Variants in MYRIP observed in about 807,000 individuals in gnomAD.
The protein encoded by MYRIP is myosin VIIA and Rab interacting protein.
In MYRIP, 49 loss-of-function variants were observed where a neutral mutation model predicts 98.0. The ratio of observed to expected loss-of-function variants is 0.50; its 90% CI spans 0.40 to 0.63. The LOEUF is 0.63. Ranked by LOEUF, MYRIP falls within the 30% of genes least tolerant of loss-of-function variation. The pLI is 0.00. For missense variants in MYRIP, 1,004 were observed against 1,058.2 expected, an observed-to-expected ratio of 0.95 and a Z score of 0.71; for synonymous variants, 404 against 409.5, an observed-to-expected ratio of 0.99 and a Z score of 0.16.
chr3:39,996,203 G>A (rs980551552), intron 2 of MYRIP, among the ~76,000 whole-genome samples: 9 of 152,250 alleles, frequency 5.9e-5, no homozygotes, highest in Middle Eastern at 6.8e-3. Flanking sequence ...AAATGTAAAT[G>A]GACTAAATCC....
chr3:39,812,438 CCCACCA>C (rs1397876260), intron 1 of MYRIP, among the ~76,000 whole-genome samples: 2 of 152,122 alleles, frequency 1.3e-5, no homozygotes, highest in African/African-American at 4.8e-5. Context: ...ACTTGGTTGT[CCCACCA>C]CACCTTGATC....
At chr3:40,206,762 G>A (rs1205899208) in intron 10 of MYRIP, among the ~76,000 whole-genome samples, 1 of 152,148 alleles carries the variant, frequency 6.6e-6, no homozygotes, top group African/African-American at 2.4e-5. Flanking sequence ...CACATAGTAG[G>A]TGCTCAACAT....
intron 2 of MYRIP, among the ~76,000 whole-genome samples, chr3:39,966,820 C>T (rs1945454301): frequency 6.6e-6 from 1 of 152,184 alleles, no homozygotes; most frequent in Non-Finnish European, 1.5e-5. Context: ...CTCTAGTCAC[C>T]TGCCAGGGTT....
chr3:40,020,938 G>A (rs1430034678), intron 2 of MYRIP, among the ~76,000 whole-genome samples: 2 of 152,034 alleles, frequency 1.3e-5, no homozygotes, highest in Non-Finnish European at 2.9e-5. Flanking sequence ...AATATGGGGT[G>A]TAGCCATGTA....
At chr3:40,208,737 GT>G in intron 10 of MYRIP, among the ~76,000 whole-genome samples, 1 of 152,310 alleles carries the variant, frequency 6.6e-6, no homozygotes, top group Non-Finnish European at 1.5e-5. Context: ...CCGCAGGGAA[GT>G]TTTCCCTAAT....
At chr3:39,848,052 C>T (rs1942022567) in intron 1 of MYRIP, among the ~76,000 whole-genome samples, 1 of 152,184 alleles carries the variant, frequency 6.6e-6, no homozygotes. Context: ...CTTCCTCCAA[C>T]ATGCTGGTGG....
At chr3:39,871,899 T>C (rs1016454222) in intron 1 of MYRIP, among the ~76,000 whole-genome samples, 2 of 152,008 alleles carry the variant, frequency 1.3e-5, no homozygotes, top group Admixed American at 1.3e-4. Context: ...TATATGTGTA[T>C]GCTATAATAT....
chr3:39,955,228 G>C (rs1309112802), intron 2 of MYRIP, among the ~76,000 whole-genome samples: 5 of 152,254 alleles, frequency 3.3e-5, no homozygotes, highest in Admixed American at 6.5e-5. Context: ...ATAATTGTCA[G>C]ATTCACCAAA....
In MYRIP at chr3:39,826,690, G is replaced by C. The variant is rs970847959; in HGVS notation, c.-31+16774G>C. Among the ~76,000 whole-genome samples the C allele has an allele frequency of 2.6e-5, 4 of 152,216 alleles. No homozygotes were observed. In the South Asian group the frequency reaches 8.3e-4, roughly 32 times the overall value. ...TGCAGTTTAAATCCAATGTTTCTTT[G>C]TTCATATTCTGTCTAAATGATCTGT... On this transcript the variant is annotated intron_variant, in intron 1 of 16. Transcript: ENST00000302541.
At chr3:40,182,655 G>A (rs1642349364) in intron 9 of MYRIP, among the ~76,000 whole-genome samples, 1 of 152,138 alleles carries the variant, frequency 6.6e-6, no homozygotes, top group Non-Finnish European at 1.5e-5. Flanking sequence ...ACAGATTGGG[G>A]GCTCCTGGAC....
chr3:39,997,725 C>A (rs1288797765), intron 2 of MYRIP, among the ~76,000 whole-genome samples: 2 of 151,984 alleles, frequency 1.3e-5, no homozygotes, highest in African/African-American at 4.8e-5. Context: ...GGCAGAGACA[C>A]AACAAAAAAA....
intron 2 of MYRIP, among the ~76,000 whole-genome samples, chr3:39,971,210 T>C (rs746448697): frequency 9.2e-5 from 14 of 152,054 alleles, no homozygotes; most frequent in Non-Finnish European, 1.3e-4. Flanking sequence ...GGTCTAAAGT[T>C]GTTTTCATTG....
At chr3:39,987,161 C>G (rs947038088) in intron 2 of MYRIP, among the ~76,000 whole-genome samples, 11 of 152,084 alleles carry the variant, frequency 7.2e-5, no homozygotes, top group Non-Finnish European at 1.6e-4. Flanking sequence ...TCCCTTTGCC[C>G]TCTACCCCAC....
intron 1 of MYRIP, among the ~76,000 whole-genome samples, chr3:39,863,828 G>GCAGGGACA (rs1219127556): frequency 6.6e-6 from 1 of 152,010 alleles, no homozygotes; most frequent in East Asian, 1.9e-4. Flanking sequence ...CCAAAACCCA[G>GCAGGGACA]CAGGGACACA....
At chr3:40,009,490 C>T (rs558845649) in intron 2 of MYRIP, among the ~76,000 whole-genome samples, 48 of 152,292 alleles carry the variant, frequency 3.2e-4, no homozygotes, top group African/African-American at 1.1e-3. Context: ...CCCGCCTCGG[C>T]CTCGGCCTCC....
chr3:39,883,311 T>C lies in MYRIP; in HGVS notation c.-30-17476T>C, dbSNP rs1024112132. 5.3e-5 allele frequency among the ~76,000 whole-genome samples: 8 copies of C among 152,104 alleles called. No individual in the cohort carries two copies. In the East Asian group the frequency reaches 1.3e-3, roughly 26 times the overall value. On this transcript the variant is annotated intron_variant, in intron 1 of 16. Transcript: ENST00000302541. The stretch of plus-strand genomic sequence containing the variant: ...GCTTCAAATTGTCCCAATCCTGAAA[T>C]TGCTAATGCATGCAAGCTTGCTGGT...
rs1043735693 is a variant in MYRIP, at chr3:40,243,624, A to ATTTC, written c.2101-819_2101-816dup. Among the ~76,000 whole-genome samples, 136 of 152,182 alleles carry ATTTC rather than the reference A, an allele frequency of 8.9e-4. 1 individual carries two copies. The highest frequency in any genetic ancestry group is 3.2e-3 in the African/African-American group (131 of 41,524). On this transcript the variant is annotated intron_variant, in intron 12 of 16. Transcript: ENST00000302541. Reference sequence around the variant, plus strand: ...TAATTACTTTCTTTAGATACATCTCATTTCTTATGTTGTTGGTTGCTTCAT... The same window carrying ATTTC: ...TAATTACTTTCTTTAGATACATCTCATTTCTTTCTTATGTTGTTGGTTGCTTCAT...
At chr3:40,103,364 C>T in intron 3 of MYRIP, among the ~76,000 whole-genome samples, 1 of 152,228 alleles carries the variant, frequency 6.6e-6, no homozygotes, top group East Asian at 1.9e-4. Context: ...GATGAAATGG[C>T]AGAACGCCTG....
chr3:40,156,902 A>G (rs1030880444), intron 4 of MYRIP, among the ~76,000 whole-genome samples: 1 of 151,580 alleles, frequency 6.6e-6, no homozygotes, highest in Admixed American at 6.6e-5. Flanking sequence ...GGGCTGAGAC[A>G]ATGGGGTTTT....
Sources: gnomAD v4.1 joint callset for allele counts (sites outside exome capture counted in the v4.1 genomes callset) on GRCh38, gnomAD v4.1.1 for gene constraint, MANE v1.5 for transcripts, NCBI Gene and HGNC (gene_info 2026-07-23, HGNC 2026-07-21) for gene names.